The following NEGR1 variants were observed in gnomAD, a reference collection of about 807,000 sequenced individuals.
The protein encoded by NEGR1 is neuronal growth regulator 1.
NEGR1 carries 10 observed loss-of-function variants against 40.9 expected under a neutral mutation model. That is an observed-to-expected ratio of 0.24 (90% CI 0.15 to 0.42). The LOEUF is 0.42. Among genes scored for constraint, NEGR1 ranks in the 10% least tolerant of loss-of-function variants. The pLI is 1.00. For synonymous variants in NEGR1, 185 were observed against 166.8 expected (o/e 1.11, Z -0.84); for missense variants, 352 against 438.9 (o/e 0.80, Z 1.77).
At chr1:71,776,540 A>G (rs1656516490) in intron 2 of NEGR1, among the ~76,000 whole-genome samples, 1 of 152,184 alleles carries the variant, frequency 6.6e-6, no homozygotes, top group South Asian at 2.1e-4. Context: ...ATTTAATAAC[A>G]AAAATGTTTA....
chr1:71,690,629 G>C (rs1570213875), intron 4 of NEGR1, among the ~76,000 whole-genome samples: 10 of 125,120 alleles, frequency 8.0e-5, no homozygotes, highest in South Asian at 2.8e-4. Context: ...CAGAGAGAGA[G>C]AGAGAGAGAG....
At chr1:71,821,019 G>A (rs763644081) in intron 2 of NEGR1, among the ~76,000 whole-genome samples, 1 of 151,906 alleles carries the variant, frequency 6.6e-6, no homozygotes, top group African/African-American at 2.4e-5. Context: ...ATGGCCTAAG[G>A]AACTTGGTAT....
At chr1:71,975,694 A>G (rs941222578) in intron 1 of NEGR1, among the ~76,000 whole-genome samples, 9 of 152,312 alleles carry the variant, frequency 5.9e-5, no homozygotes, top group African/African-American at 1.9e-4. Context: ...TCTTCACTGT[A>G]CTGAGCTGAG....
At chr1:71,963,797 A>G (rs914002058) in intron 1 of NEGR1, among the ~76,000 whole-genome samples, 2 of 152,070 alleles carry the variant, frequency 1.3e-5, no homozygotes, top group Non-Finnish European at 2.9e-5. Context: ...TCATTTTCTC[A>G]TTTTTTTGAC....
chr1:72,059,602 G>T (rs2630385), intron 1 of NEGR1, among the ~76,000 whole-genome samples: 148,230 of 151,694 alleles, frequency 0.98, 72,530 homozygotes, highest in Middle Eastern at 1. Context: ...CTGACAACAA[G>T]TTTTGAAATA....
At chr1:72,256,126 C>A (rs564649612) in intron 1 of NEGR1, among the ~76,000 whole-genome samples, 1 of 152,328 alleles carries the variant, frequency 6.6e-6, no homozygotes, top group African/African-American at 2.4e-5. Flanking sequence ...TTTACACCTA[C>A]ATGATTGCCA....
chr1:71,842,907 G>A (rs1399854484), intron 2 of NEGR1, among the ~76,000 whole-genome samples: 3 of 152,128 alleles, frequency 2.0e-5, no homozygotes, highest in Non-Finnish European at 4.4e-5. Context: ...CAAGTTAAAA[G>A]TGAAAGGACC....
intron 1 of NEGR1, among the ~76,000 whole-genome samples, chr1:72,269,089 A>T (rs1250216383): frequency 6.6e-6 from 1 of 151,648 alleles, no homozygotes; most frequent in African/African-American, 2.4e-5. Flanking sequence ...GTTTTCACTC[A>T]ATTAGGCTAT....
In NEGR1 at chr1:72,263,693, G is replaced by A. The variant is rs528510759; in HGVS notation, c.176+18626C>T. Among the ~76,000 whole-genome samples the A allele has an allele frequency of 4.6e-5, 7 of 151,524 alleles. No homozygotes were observed. In the South Asian group the frequency reaches 1.4e-3, roughly 31 times the overall value. ...AGTTATCTATACTTGAATAGTTGCTGTTCTAACTTTCTTGAATTACTGCTA... is the reference window on the plus strand; with the variant it reads ...AGTTATCTATACTTGAATAGTTGCTATTCTAACTTTCTTGAATTACTGCTA... On this transcript the variant is annotated intron_variant, in intron 1 of 6. Coordinates refer to ENST00000357731, the MANE Select transcript of NEGR1 (RefSeq NM_173808.3).
intron 6 of NEGR1, among the ~76,000 whole-genome samples, chr1:71,543,462 A>G (rs1321491935): frequency 6.6e-6 from 1 of 151,756 alleles, no homozygotes; most frequent in Non-Finnish European, 1.5e-5. Flanking sequence ...GTAGAGTCTG[A>G]CCAAGATATG....
intron 1 of NEGR1, among the ~76,000 whole-genome samples, chr1:72,047,904 C>T (rs1647017461): frequency 6.6e-6 from 1 of 151,624 alleles, no homozygotes; most frequent in Admixed American, 6.6e-5. Context: ...GCATATAGCA[C>T]CAAGTATACA....
chr1:71,731,271 G>A (rs1003554196), intron 3 of NEGR1, among the ~76,000 whole-genome samples: 3 of 152,034 alleles, frequency 2.0e-5, no homozygotes, highest in Non-Finnish European at 2.9e-5. Context: ...AGAATAATAC[G>A]TAGAAATCAA....
At chr1:72,236,509 A>G (rs1261212929) in intron 1 of NEGR1, among the ~76,000 whole-genome samples, 1 of 152,028 alleles carries the variant, frequency 6.6e-6, no homozygotes, top group Non-Finnish European at 1.5e-5. Flanking sequence ...AAGTGCCTGT[A>G]CTAATGTCTA....
intron 1 of NEGR1, among the ~76,000 whole-genome samples, chr1:71,983,133 G>T (rs577785942): frequency 6.6e-6 from 1 of 152,164 alleles, no homozygotes; most frequent in South Asian, 2.1e-4. Flanking sequence ...ATATTTGTCA[G>T]TCATTTAGAG....
intron 1 of NEGR1, among the ~76,000 whole-genome samples, chr1:72,019,905 G>A (rs1443356257): frequency 1.3e-5 from 2 of 152,198 alleles, no homozygotes; most frequent in African/African-American, 4.8e-5. Context: ...GAGCGCTTAT[G>A]TGGCTAACTA....
chr1:71,752,947 C>A (rs961616813), intron 3 of NEGR1, among the ~76,000 whole-genome samples: 6 of 152,128 alleles, frequency 3.9e-5, no homozygotes, highest in African/African-American at 1.4e-4. Flanking sequence ...GATTCTAATT[C>A]TACTTTTTAG....
intron 1 of NEGR1, among the ~76,000 whole-genome samples, chr1:71,945,405 A>T (rs1646008979): frequency 6.6e-6 from 1 of 152,186 alleles, no homozygotes; most frequent in African/African-American, 2.4e-5. Context: ...AATAACAATA[A>T]CAAAAAACCC....
At chr1:71,785,024 T>C (rs1020277302) in intron 2 of NEGR1, among the ~76,000 whole-genome samples, 2 of 152,242 alleles carry the variant, frequency 1.3e-5, no homozygotes, top group Non-Finnish European at 2.9e-5. Flanking sequence ...TGATTTGTTT[T>C]GGCGAGAGGA....
At chr1:71,834,909 A>ACACACACACACACACACACACACACACAC (rs1553168608) in intron 2 of NEGR1, among the ~76,000 whole-genome samples, 1 of 151,746 alleles carries the variant, frequency 6.6e-6, no homozygotes, top group South Asian at 2.1e-4. Context: ...ACACACACAC[A>ACACACACACACACACACACACACACACAC]GCAGTTATCT....
Sources: gnomAD v4.1 joint callset for allele counts (sites outside exome capture counted in the v4.1 genomes callset) on GRCh38, gnomAD v4.1.1 for gene constraint, MANE v1.5 for transcripts, NCBI Gene and HGNC (gene_info 2026-07-23, HGNC 2026-07-21) for gene names.